EVC: variants seen among roughly 807,000 people sequenced by gnomAD.
The protein encoded by EVC is evC complex member EVC.
EVC carries 116 observed loss-of-function variants against 118.9 expected under a neutral mutation model. That is an observed-to-expected ratio of 0.98 (90% CI 0.84 to 1.14). EVC has a LOEUF of 1.14. Ranked by LOEUF, EVC falls within the 50% of genes most tolerant of loss-of-function variation. The pLI, the probability that EVC is intolerant of heterozygous loss-of-function variation, is 0.00. For synonymous variants in EVC, 619 were observed against 534.7 expected (o/e 1.16, Z -2.18); for missense variants, 1,401 against 1,246.4 (o/e 1.12, Z -1.87).
At chr4:5,818,755 C>T (rs1718050366), downstream of EVC, among the ~76,000 whole-genome samples, 2 of 152,196 alleles carry the variant, frequency 1.3e-5, no homozygotes. Context: ...GCACCAGCAC[C>T]ACCCCAACCT....
At chr4:5,764,065 A>T (rs1377030649) in intron 11 of EVC, among the ~76,000 whole-genome samples, 4 of 146,648 alleles carry the variant, frequency 2.7e-5, no homozygotes, top group Non-Finnish European at 6.0e-5. Flanking sequence ...TATTATTTTG[A>T]GATACATCCC....
At chr4:5,741,889 T>A (rs934300536) in intron 6 of EVC, 75 bp downstream of exon 6, 25 of 763,510 alleles carry the variant, frequency 3.3e-5, no homozygotes, top group Non-Finnish European at 4.5e-5. Flanking sequence ...GATGCAAAAA[T>A]TTTTTTCTTT....
intron 11 of EVC, among the ~76,000 whole-genome samples, chr4:5,763,260 A>G (rs1016073735): frequency 8.3e-5 from 12 of 145,106 alleles, no homozygotes; most frequent in South Asian, 6.9e-4. Context: ...CCATTGATCT[A>G]TATCTGTTTT....
rs528997083 is a variant in EVC at position 5,742,089 on chromosome 4, G to A, written c.801+275G>A. Among the ~76,000 whole-genome samples, 1 of 152,096 alleles carries A rather than the reference G, an allele frequency of 6.6e-6. No individual in the cohort carries two copies. Among genetic ancestry groups the A allele is most frequent in the African/African-American group, 2.4e-5 (1 of 41,502 alleles). ...TAATGTTTTTTTCTGCACACATTTGGGATATTTTTAAAGACATAATTTGTT... is the reference window on the plus strand; with the variant it reads ...TAATGTTTTTTTCTGCACACATTTGAGATATTTTTAAAGACATAATTTGTT... On this transcript the variant is annotated intron_variant, in intron 6 of 20. Transcript: ENST00000264956. This position sits in a 1 kb window ranked among gnomAD's most constrained non-coding sequence, Gnocchi z 5.2.
At chr4:5,712,667 AG>A (rs1237795021) in intron 1 of EVC, among the ~76,000 whole-genome samples, 1 of 152,156 alleles carries the variant, frequency 6.6e-6, no homozygotes, top group Non-Finnish European at 1.5e-5. Context: ...TTCAGAATAT[AG>A]GGGAATTTGG....
Position 5,811,425 on chromosome 4 carries a change from A to G in EVC, c.*388A>G, listed in dbSNP as rs913114591. Reference sequence around the variant, plus strand: ...GGCCCATCTGGGGCTGAGGACACACAGATACATAATGACACCTGCAGAAAT... The same window carrying G: ...GGCCCATCTGGGGCTGAGGACACACGGATACATAATGACACCTGCAGAAAT... On this transcript the variant is annotated 3_prime_UTR_variant, in exon 21 of 21. Coordinates refer to ENST00000264956, the MANE Select transcript of EVC (RefSeq NM_153717.3). 1.0e-5 allele frequency: 3 copies of G among 292,542 alleles called. No individual in the cohort carries two copies. The highest frequency in any genetic ancestry group is 6.6e-5 in the African/African-American group (3 of 45,630). The allele number at this position is 292,542 out of a possible 1,614,324, so 18.1% of individuals were successfully genotyped here. A position where few individuals can be genotyped will look rare whatever the true frequency, so the allele number is the denominator to read the frequency against.
intron 12 of EVC, among the ~76,000 whole-genome samples, chr4:5,786,844 C>G (rs1180947406): frequency 6.7e-6 from 1 of 149,720 alleles, no homozygotes; most frequent in Non-Finnish European, 1.5e-5. Context: ...TGAACTCCAG[C>G]CTGGGTGACA....
the EVC span, chr4:5,825,719 A>G: frequency 1.5e-5 from 24 of 1,563,988 alleles, no homozygotes; most frequent in South Asian, 2.7e-4. This position sits in a 1 kb window ranked among gnomAD's most constrained non-coding sequence, Gnocchi z 4.4. Flanking sequence ...CCTTCTGGGC[A>G]GATAAAGCAG....
At position 5,802,027 on chromosome 4, in the gene EVC, C is replaced by A; in HGVS notation, c.2382C>A (p.Tyr794Ter). The change falls in exon 16 of 21, where the codon TAC becomes TAA. Residue 794 changes from tyrosine to a stop codon, truncating the protein, a stop_gained. Transcript: ENST00000264956. LOFTEE classifies it high-confidence loss of function. The stretch of plus-strand genomic sequence containing the variant: ...TCAGCCGCCTGGTGCAGGCGTATTA[C>A]CAGCAAATCGGAAGGATCATGGAGG... ...AGVSRLVQAY[Y>*]QQIGRIMEDH... 2 of 1,614,220 alleles carry A rather than the reference C, an allele frequency of 1.2e-6. No homozygotes were observed. Among genetic ancestry groups the A allele is most frequent in the Non-Finnish European group, 1.7e-6 (2 of 1,180,030 alleles).
In EVC at chr4:5,798,470, C is replaced by G; in HGVS notation, c.2098-116C>G. 1.9e-6 allele frequency: 2 copies of G among 1,049,874 alleles called. No homozygotes were observed. Among genetic ancestry groups the G allele is most frequent in the South Asian group, 2.7e-5 (2 of 73,642 alleles). The allele number at this position is 1,049,874 out of a possible 1,614,324, so 65.0% of individuals were successfully genotyped here. ...GAGGCCACCTCTTTCTGCCCTTTCTCCATCCCTTTTCCAACCCCTGGGCCC... is the reference window on the plus strand; with the variant it reads ...GAGGCCACCTCTTTCTGCCCTTTCTGCATCCCTTTTCCAACCCCTGGGCCC... On this transcript the variant is annotated intron_variant, in intron 14 of 20. Coordinates refer to ENST00000264956, the MANE Select transcript of EVC (RefSeq NM_153717.3). The surrounding 1 kb of genome is among the most constrained non-coding windows in gnomAD (Gnocchi z 4.1).
intron 11 of EVC, among the ~76,000 whole-genome samples, chr4:5,771,061 C>T (rs919715238): frequency 6.6e-6 from 1 of 151,902 alleles, no homozygotes; most frequent in African/African-American, 2.4e-5. Flanking sequence ...AAACAATTGT[C>T]ATTCTGAAGA....
rs535147731 is a variant in EVC at position 5,743,266 on chromosome 4, G to C, written c.801+1452G>C. The stretch of plus-strand genomic sequence containing the variant: ...TCCTGTCTGGACCAGATCCCATTTT[G>C]ATCAGCAGGGTTGTGATCAGAAAAC... On this transcript the variant is annotated intron_variant, in intron 6 of 20. Transcript: ENST00000264956. The surrounding 1 kb of genome is among the most constrained non-coding windows in gnomAD (Gnocchi z 4.7). Among the ~76,000 whole-genome samples, 1 of 152,194 alleles carries C rather than the reference G, an allele frequency of 6.6e-6. No homozygotes were observed. Among genetic ancestry groups the C allele is most frequent in the East Asian group, 1.9e-4 (1 of 5,162 alleles).
At chr4:5,817,691 T>C (rs1019085641), downstream of EVC, among the ~76,000 whole-genome samples, 1 of 152,210 alleles carries the variant, frequency 6.6e-6, no homozygotes. Flanking sequence ...ACGGCCACAC[T>C]CTGCCTTGGA....
intron 12 of EVC, among the ~76,000 whole-genome samples, chr4:5,786,800 A>G (rs952630464): frequency 2.3e-4 from 35 of 149,508 alleles, no homozygotes; most frequent in African/African-American, 8.1e-4. Context: ...TGAACCCGGG[A>G]GGCAGAGCTT....
chr4:5,755,892 A>G lies in EVC; in HGVS notation c.1465-372A>G, dbSNP rs1026117358. 1.3e-5 allele frequency among the ~76,000 whole-genome samples: 2 copies of G among 152,080 alleles called. No homozygotes were observed. Among genetic ancestry groups the G allele is most frequent in the Admixed American group, 6.5e-5 (1 of 15,274 alleles). ...TGGTTGCTGACTGCACTGACCTCCA[A>G]TCGCCAGTCTGTGTCACCCCTGCTG... is the stretch of plus-strand genomic sequence containing the variant. On this transcript the variant is annotated intron_variant, in intron 10 of 20. Transcript: ENST00000264956. This position sits in a 1 kb window ranked among gnomAD's most constrained non-coding sequence, Gnocchi z 4.1.
At chr4:5,782,836 G>A (rs540893494) in intron 11 of EVC, among the ~76,000 whole-genome samples, 28 of 152,152 alleles carry the variant, frequency 1.8e-4, no homozygotes, top group Admixed American at 3.3e-4. Context: ...ACTTAAGCAT[G>A]GAGGGTGGAA....
chr4:5,810,924 A>G lies in EVC; in HGVS notation c.2895-29A>G, dbSNP rs201485591. ...ATGATGGGCATGGAGTCAGCGTTCT[A>G]ACTGGCTGCCTTTCTTCTCTGTTTT... On this transcript the variant is annotated intron_variant, in intron 20 of 20. Coordinates refer to ENST00000264956, the MANE Select transcript of EVC (RefSeq NM_153717.3). The G allele has an allele frequency of 9.0e-5, 144 of 1,599,532 alleles. 1 individual carries two copies. In the East Asian group the frequency reaches 2.8e-3, roughly 31 times the overall value.
rs1553860016 is a variant in EVC at position 5,715,740 on chromosome 4, C to CCTTTTTTTTTTTTTTTTTTTTTTTT, written c.175-3508_175-3507insCTTTTTTTTTTTTTTTTTTTTTTTT. Reference sequence around the variant, plus strand: ...AATTTCGAAGGCATTTTTCCATTGTCTTTTTTTTTTTTTTTTTTTTTGAGA... The same window carrying CCTTTTTTTTTTTTTTTTTTTTTTTT: ...AATTTCGAAGGCATTTTTCCATTGTCCTTTTTTTTTTTTTTTTTTTTTTTTTTTTTTTTTTTTTTTTTTTTTGAGA... On this transcript the variant is annotated intron_variant, in intron 1 of 20. Transcript: ENST00000264956. Among the ~76,000 whole-genome samples the CCTTTTTTTTTTTTTTTTTTTTTTTT allele has an allele frequency of 1.3e-4, 9 of 70,992 alleles. 4 individuals carry two copies. Among genetic ancestry groups the CCTTTTTTTTTTTTTTTTTTTTTTTT allele is most frequent in the African/African-American group, 3.4e-4 (7 of 20,722 alleles). 46.6% of individuals were successfully genotyped at this position (70,992 alleles called of 152,430 possible).
At chr4:5,760,116 A>T (rs906819247) in intron 11 of EVC, among the ~76,000 whole-genome samples, 2 of 152,074 alleles carry the variant, frequency 1.3e-5, no homozygotes, top group Non-Finnish European at 2.9e-5. Context: ...CAGAGAGATA[A>T]CTGTGAATAG....
Sources: gnomAD v4.1 joint callset for allele counts (sites outside exome capture counted in the v4.1 genomes callset) on GRCh38, gnomAD v4.1.1 for gene constraint, Gnocchi (gnomAD v3.1) non-coding constraint, MANE v1.5 for transcripts, NCBI Gene and HGNC (gene_info 2026-07-23, HGNC 2026-07-21) for gene names.